Variants in DCLK1 observed in about 807,000 individuals in gnomAD.
DCLK1 encodes the protein serine/threonine-protein kinase DCLK1.
A neutral mutation model predicts 86.2 loss-of-function variants in DCLK1; 16 were observed. That is an observed-to-expected ratio of 0.19 (90% CI 0.13 to 0.28). The LOEUF (loss-of-function observed/expected upper bound fraction) is 0.28, where lower values mean the gene tolerates loss of function less well. DCLK1 is among the 10% of genes least tolerant of loss of function. The pLI is 1.00. For synonymous variants in DCLK1, 369 were observed against 370.5 expected (o/e 1.00, Z 0.05); for missense variants, 590 against 940.2 (o/e 0.63, Z 4.87).
At chr13:35,827,860 G>A in intron 9 of DCLK1, 106 bp from the exon 10 acceptor site, 1 of 1,381,146 alleles carries the variant, frequency 7.2e-7, no homozygotes, top group South Asian at 1.3e-5. Context: ...ATGCATTTTG[G>A]TAAAATGTAA....
intron 3 of DCLK1, among the ~76,000 whole-genome samples, chr13:36,099,369 G>A (rs1028993493): frequency 2.0e-5 from 3 of 152,216 alleles, no homozygotes; most frequent in East Asian, 3.9e-4. Flanking sequence ...ACAGTGTTTC[G>A]GCAGTCACAT....
intron 6 of DCLK1, among the ~76,000 whole-genome samples, chr13:35,840,716 A>G (rs17180873): frequency 0.025 from 3,873 of 152,278 alleles, 75 homozygotes; most frequent in Non-Finnish European, 0.042. Context: ...ACGGATTGAG[A>G]TTGTCACCTT....
intron 4 of DCLK1, among the ~76,000 whole-genome samples, chr13:35,885,183 G>T (rs964659304): frequency 6.6e-6 from 1 of 152,160 alleles, no homozygotes; most frequent in Non-Finnish European, 1.5e-5. Context: ...AGTCAGCCAA[G>T]CCTTTTCCTG....
chr13:35,988,385 C>T (rs571171349), intron 3 of DCLK1, among the ~76,000 whole-genome samples: 38 of 152,330 alleles, frequency 2.5e-4, no homozygotes, highest in African/African-American at 7.5e-4. Flanking sequence ...CTTGCAACAC[C>T]GGTGCCAGCC....
At chr13:36,001,365 T>C (rs1936006) in intron 3 of DCLK1, among the ~76,000 whole-genome samples, 55,090 of 152,050 alleles carry the variant, frequency 0.36, 11,129 homozygotes, top group Non-Finnish European at 0.44. Context: ...ATCAAAGTAA[T>C]AAAGTTTAAT....
rs141869851 is a variant in DCLK1, at chr13:36,123,253, A to G, written c.376+2509T>C. On this transcript the variant is annotated intron_variant, in intron 2 of 16. Coordinates refer to ENST00000360631, the MANE Select transcript of DCLK1 (RefSeq NM_001330071.2). ...TGCATTTTAACAGACTAAGCAAAAA[A>G]TGTAATTGACAAAGAGGCGAATCTA... Among the ~76,000 whole-genome samples the G allele has an allele frequency of 7.2e-5, 11 of 152,324 alleles. No individual in the cohort carries two copies. In the East Asian group the frequency reaches 2.1e-3, roughly 29 times the overall value.
chr13:35,791,817 A>G (rs185383618), intron 16 of DCLK1, among the ~76,000 whole-genome samples: 1 of 152,378 alleles, frequency 6.6e-6, no homozygotes, highest in Non-Finnish European at 1.5e-5. Flanking sequence ...GTAAGCCCTT[A>G]GCAGGAGAAA....
intron 16 of DCLK1, chr13:35,788,220 A>G (rs772235357): frequency 2.5e-6 from 4 of 1,613,778 alleles, no homozygotes; most frequent in East Asian, 4.5e-5. Context: ...ACCTTATCCA[A>G]TACATTCCTG....
intron 6 of DCLK1, chr13:35,847,631 GAAA>G: frequency 3.9e-6 from 1 of 253,294 alleles, no homozygotes; most frequent in South Asian, 1.5e-4. Context: ...AAAAAAGAAA[GAAA>G]GAAAGAAAGA....
chr13:35,779,566 C>T (rs1283296157), intron 16 of DCLK1, among the ~76,000 whole-genome samples: 1 of 151,982 alleles, frequency 6.6e-6, no homozygotes, highest in East Asian at 1.9e-4. Context: ...TATATACTTT[C>T]TGAATAATAA....
chr13:35,882,345 C>T (rs553136109), intron 4 of DCLK1, among the ~76,000 whole-genome samples: 23 of 152,328 alleles, frequency 1.5e-4, no homozygotes, highest in African/African-American at 5.5e-4. Context: ...CATCTCAAGA[C>T]CCTTAACTTA....
Position 35,830,649 on chromosome 13 carries a change from A to T in DCLK1, c.1230-2342T>A, listed in dbSNP as rs149321529. 2.6e-5 allele frequency among the ~76,000 whole-genome samples: 4 copies of T among 152,340 alleles called. No homozygotes were observed. The East Asian group carries it at 7.7e-4, about 29-fold the overall frequency. On this transcript the variant is annotated intron_variant, in intron 8 of 16. Coordinates refer to ENST00000360631, the MANE Select transcript of DCLK1 (RefSeq NM_001330071.2). Reference sequence around the variant, plus strand: ...AAATCTCAGGTTGGAATACATGAGCAATTTCCTATCTGGCTTAACATGTCC... The same window carrying T: ...AAATCTCAGGTTGGAATACATGAGCTATTTCCTATCTGGCTTAACATGTCC...
rs1456222533 is a variant in DCLK1, at chr13:35,990,754, A to C, written c.724-43297T>G. Among the ~76,000 whole-genome samples the C allele has an allele frequency of 1.4e-4, 21 of 151,580 alleles. No individual in the cohort carries two copies. The Admixed American group carries it at 1.4e-3, about 10-fold the overall frequency. ...CATTTTGAACTCCAAGCAAGACTTA[A>C]AATGTTACTATTTTTGTTGGTTTTT... On this transcript the variant is annotated intron_variant, in intron 3 of 16. Transcript: ENST00000360631.
intron 3 of DCLK1, among the ~76,000 whole-genome samples, chr13:36,017,091 T>A (rs1195522899): frequency 6.6e-6 from 1 of 152,172 alleles, no homozygotes; most frequent in Non-Finnish European, 1.5e-5. Context: ...AAATAACACA[T>A]GAATCCCTGT....
intron 4 of DCLK1, among the ~76,000 whole-genome samples, chr13:35,883,630 T>C (rs746399814): frequency 6.6e-6 from 1 of 152,166 alleles, no homozygotes; most frequent in Non-Finnish European, 1.5e-5. Flanking sequence ...TATGGTCTGA[T>C]TTGTGAGTCT....
intron 3 of DCLK1, among the ~76,000 whole-genome samples, chr13:35,976,525 GTTTTT>G (rs11294824): frequency 3.0e-4 from 17 of 56,370 alleles, no homozygotes; most frequent in African/African-American, 3.7e-4. Flanking sequence ...CTTCTCCGAG[GTTTTT>G]TTTTTTTTTT....
intron 16 of DCLK1, among the ~76,000 whole-genome samples, chr13:35,781,474 C>A (rs372821466): frequency 1.3e-5 from 2 of 152,262 alleles, no homozygotes; most frequent in South Asian, 2.1e-4. Flanking sequence ...AAACAATAGG[C>A]CTTACAGTCT....
chr13:35,831,192 T>C (rs567111948), intron 8 of DCLK1, among the ~76,000 whole-genome samples: 1 of 152,326 alleles, frequency 6.6e-6, no homozygotes, highest in Admixed American at 6.5e-5. Flanking sequence ...TATTTCATAG[T>C]GGACAATGAG....
chr13:35,830,184 G>C (rs553666928), intron 8 of DCLK1, among the ~76,000 whole-genome samples: 1 of 152,126 alleles, frequency 6.6e-6, no homozygotes, highest in African/African-American at 2.4e-5. Context: ...TCAGGAGTTC[G>C]AGACCAGCCT....
Sources: gnomAD v4.1 joint callset for allele counts (sites outside exome capture counted in the v4.1 genomes callset) on GRCh38, gnomAD v4.1.1 for gene constraint, MANE v1.5 for transcripts, NCBI Gene and HGNC (gene_info 2026-07-23, HGNC 2026-07-21) for gene names.